CNTN5: variants seen among roughly 807,000 people sequenced by gnomAD.
The protein encoded by CNTN5 is contactin-5.
Under a neutral mutation model 129.1 loss-of-function variants are expected in CNTN5, and 77 were observed. The ratio of observed to expected loss-of-function variants is 0.60; its 90% CI spans 0.50 to 0.72. CNTN5 has a LOEUF of 0.72. CNTN5 is among the 30% of genes least tolerant of loss of function. The probability of loss-of-function intolerance (pLI) is 0.00; values close to 1 mark genes in which losing one functional copy is unlikely to be tolerated. For synonymous variants in CNTN5, 509 were observed against 465.6 expected (o/e 1.09, Z -1.20); for missense variants, 1,478 against 1,328.8 (o/e 1.11, Z -1.75).
At chr11:99,527,924 A>G (rs1947550608) in intron 2 of CNTN5, among the ~76,000 whole-genome samples, 1 of 152,200 alleles carries the variant, frequency 6.6e-6, no homozygotes, top group Admixed American at 6.5e-5. Flanking sequence ...GAGAACAGTC[A>G]AACAATCCAG....
intron 13 of CNTN5, among the ~76,000 whole-genome samples, chr11:100,147,609 TA>T (rs966104295): frequency 3.9e-5 from 6 of 152,120 alleles, no homozygotes; most frequent in South Asian, 2.1e-4. Context: ...GGGAGCCTTA[TA>T]TTTTTTTGTC....
chr11:99,310,122 G>A (rs926625175), intron 1 of CNTN5, among the ~76,000 whole-genome samples: 3 of 152,080 alleles, frequency 2.0e-5, no homozygotes, highest in Non-Finnish European at 4.4e-5. Context: ...TCAAATATGT[G>A]CAATTTAGTG....
At chr11:99,384,769 CAAAT>C (rs1940819848) in intron 2 of CNTN5, among the ~76,000 whole-genome samples, 1 of 152,054 alleles carries the variant, frequency 6.6e-6, no homozygotes, top group African/African-American at 2.4e-5. Context: ...AATTAATTGA[CAAAT>C]AATAATTGTA....
chr11:99,996,118 G>T (rs1035341), intron 8 of CNTN5, among the ~76,000 whole-genome samples: 57,365 of 151,930 alleles, frequency 0.38, 12,309 homozygotes, highest in African/African-American at 0.59. Context: ...GCAAATTATA[G>T]TGTTATTATT....
intron 17 of CNTN5, among the ~76,000 whole-genome samples, chr11:100,259,374 T>C (rs747631514): frequency 6.6e-6 from 1 of 152,070 alleles, no homozygotes; most frequent in African/African-American, 2.4e-5. Flanking sequence ...ACTATCAATA[T>C]TGGACAAAGG....
rs774073539 is a variant in CNTN5 at position 99,201,341 on chromosome 11, CTTCCT to C, written c.-209-123993_-209-123989del. On this transcript the variant is annotated intron_variant, in intron 1 of 24. Coordinates refer to ENST00000524871, the MANE Select transcript of CNTN5 (RefSeq NM_014361.4). ...GCCTGGCCCCTTCCTTCCTTCCTTC[CTTCCT>C]TTCCTTTCCTTCCTTCCTTCCTTCC... Among the ~76,000 whole-genome samples the C allele has an allele frequency of 1.3e-3, 160 of 125,562 alleles. 11 individuals are homozygous for C. Among genetic ancestry groups the C allele is most frequent in the South Asian group, 2.6e-3 (9 of 3,424 alleles). The allele number at this position is 125,562 out of a possible 152,430, so 82.4% of individuals were successfully genotyped here. A position where few individuals can be genotyped will look rare whatever the true frequency, so the allele number is the denominator to read the frequency against.
chr11:99,420,906 T>C (rs1565567680), intron 2 of CNTN5, among the ~76,000 whole-genome samples: 1 of 152,186 alleles, frequency 6.6e-6, no homozygotes, highest in Non-Finnish European at 1.5e-5. Flanking sequence ...TTGCTGTCCA[T>C]GTGAAGGCAG....
At chr11:99,994,246 C>T (rs986399317) in intron 8 of CNTN5, among the ~76,000 whole-genome samples, 2 of 152,014 alleles carry the variant, frequency 1.3e-5, no homozygotes, top group East Asian at 3.9e-4. Flanking sequence ...TGACTCATAT[C>T]AGTCAATAGT....
chr11:99,601,053 A>G (rs936765369), intron 3 of CNTN5, among the ~76,000 whole-genome samples: 1 of 152,212 alleles, frequency 6.6e-6, no homozygotes, highest in African/African-American at 2.4e-5. Flanking sequence ...CTACTAAACA[A>G]CAAGGATCAC....
chr11:99,768,703 T>C (rs1240906462), intron 3 of CNTN5, among the ~76,000 whole-genome samples: 1 of 152,092 alleles, frequency 6.6e-6, no homozygotes, highest in African/African-American at 2.4e-5. Context: ...CATTTTATCA[T>C]ACAGAAGGAC....
At chr11:99,820,117 T>C (rs999272748) in intron 4 of CNTN5, among the ~76,000 whole-genome samples, 1 of 148,100 alleles carries the variant, frequency 6.8e-6, no homozygotes, top group Non-Finnish European at 1.5e-5. Context: ...TACTGGGTTA[T>C]AAAAATGACA....
At chr11:100,282,562 A>G (rs1048036521) in intron 18 of CNTN5, among the ~76,000 whole-genome samples, 1 of 152,166 alleles carries the variant, frequency 6.6e-6, no homozygotes, top group Non-Finnish European at 1.5e-5. Context: ...GATCTCACCT[A>G]TGGCCTGCTA....
intron 9 of CNTN5, among the ~76,000 whole-genome samples, chr11:100,044,296 G>A (rs1249949561): frequency 6.6e-6 from 1 of 152,026 alleles, no homozygotes; most frequent in Non-Finnish European, 1.5e-5. Context: ...ACATATGAGT[G>A]CAGGTATATT....
At chr11:99,909,547 G>T (rs530184166) in intron 6 of CNTN5, among the ~76,000 whole-genome samples, 3 of 152,226 alleles carry the variant, frequency 2.0e-5, no homozygotes, top group Admixed American at 6.5e-5. Flanking sequence ...CAATAGCAAA[G>T]ACTTGGAACC....
chr11:99,030,784 T>TTTTC (rs1863335367), intron 1 of CNTN5, among the ~76,000 whole-genome samples: 1 of 146,602 alleles, frequency 6.8e-6, no homozygotes, highest in African/African-American at 2.5e-5. Flanking sequence ...AACTCTCTTT[T>TTTTC]TTTTTTTTTT....
chr11:99,369,813 A>G (rs996776915), intron 2 of CNTN5, among the ~76,000 whole-genome samples: 1 of 152,168 alleles, frequency 6.6e-6, no homozygotes, highest in African/African-American at 2.4e-5. Flanking sequence ...GAAATATATT[A>G]GTAAACAAGA....
At chr11:100,051,831 T>C (rs1341506453) in intron 9 of CNTN5, among the ~76,000 whole-genome samples, 1 of 151,942 alleles carries the variant, frequency 6.6e-6, no homozygotes, top group Non-Finnish European at 1.5e-5. Context: ...CATTTAATTT[T>C]ACAACTAGGT....
intron 3 of CNTN5, among the ~76,000 whole-genome samples, chr11:99,597,580 G>T (rs1303285042): frequency 1.3e-5 from 2 of 152,056 alleles, no homozygotes; most frequent in East Asian, 1.9e-4. Context: ...GACTGTCAGG[G>T]TTTTTACCCA....
chr11:99,818,489 G>T (rs1946666498), intron 3 of CNTN5, among the ~76,000 whole-genome samples: 1 of 152,160 alleles, frequency 6.6e-6, no homozygotes, highest in Non-Finnish European at 1.5e-5. Flanking sequence ...ACACCTAGCT[G>T]AAGTCATTCT....
Sources: gnomAD v4.1 joint callset for allele counts (sites outside exome capture counted in the v4.1 genomes callset) on GRCh38, gnomAD v4.1.1 for gene constraint, MANE v1.5 for transcripts, NCBI Gene and HGNC (gene_info 2026-07-23, HGNC 2026-07-21) for gene names.